ADAMTSL1: variants seen among roughly 807,000 people sequenced by gnomAD.
ADAMTSL1 encodes ADAMTS-like protein 1.
In ADAMTSL1, 126 loss-of-function variants were observed where a neutral mutation model predicts 201.8. That is an observed-to-expected ratio of 0.62 (90% confidence interval 0.54 to 0.72). The LOEUF (loss-of-function observed/expected upper bound fraction) is 0.72, where lower values mean the gene tolerates loss of function less well. Ranked by LOEUF, ADAMTSL1 falls within the 30% of genes least tolerant of loss-of-function variation. The probability of loss-of-function intolerance (pLI) is 0.00; values close to 1 mark genes in which losing one functional copy is unlikely to be tolerated. For missense variants in ADAMTSL1, 2,679 were observed against 2,277.8 expected, an observed-to-expected ratio of 1.18 and a Z score of -3.59; for synonymous variants, 1,121 against 903.4, an observed-to-expected ratio of 1.24 and a Z score of -4.32.
intron 2 of ADAMTSL1, among the ~76,000 whole-genome samples, chr9:18,506,692 G>A (rs1428220546): frequency 6.6e-6 from 1 of 152,114 alleles, no homozygotes; most frequent in Non-Finnish European, 1.5e-5. Context: ...TACTTATAAA[G>A]TATTAGAAAA....
rs1821031694 is a variant in ADAMTSL1, at chr9:18,776,768, G to A, written c.2552-13G>A. ...CCTCTTTCTCTGTCCCTTCGGGTTC[G>A]CTCTCCTTCCAGGGCCCGGGCGGCC... is the stretch of plus-strand genomic sequence containing the variant. On this transcript the variant is annotated splice_polypyrimidine_tract_variant and intron_variant, in intron 18 of 28. Transcript: ENST00000380548. 4 of 1,535,224 alleles carry A rather than the reference G, an allele frequency of 2.6e-6. No individual in the cohort carries two copies. The highest frequency in any genetic ancestry group is 3.5e-6 in the Non-Finnish European group (4 of 1,142,632).
At chr9:18,842,893 CT>C (rs1563849476) in intron 23 of ADAMTSL1, among the ~76,000 whole-genome samples, 1 of 152,084 alleles carries the variant, frequency 6.6e-6, no homozygotes, top group African/African-American at 2.4e-5. Context: ...CTTGGTAGAT[CT>C]TCCTCCATCC....
chr9:17,981,328 A>G (rs1284836957), intron 1 of ADAMTSL1, among the ~76,000 whole-genome samples: 1 of 152,242 alleles, frequency 6.6e-6, no homozygotes, highest in African/African-American at 2.4e-5. Context: ...ACTGAGTAGA[A>G]CAGTCACCTT....
chr9:18,435,714 G>A (rs1400464844), intron 2 of ADAMTSL1, among the ~76,000 whole-genome samples: 1 of 152,208 alleles, frequency 6.6e-6, no homozygotes, highest in Non-Finnish European at 1.5e-5. Flanking sequence ...GATTGAGCAG[G>A]CCTCACAATC....
chr9:18,648,403 G>C (rs1407374895), intron 7 of ADAMTSL1, among the ~76,000 whole-genome samples: 1 of 151,940 alleles, frequency 6.6e-6, no homozygotes, highest in Non-Finnish European at 1.5e-5. Flanking sequence ...AGTTAATATT[G>C]TTATGTATGA....
chr9:18,168,158 C>A (rs143776693), intron 2 of ADAMTSL1, among the ~76,000 whole-genome samples: 7 of 151,900 alleles, frequency 4.6e-5, no homozygotes, highest in African/African-American at 1.7e-4. Flanking sequence ...TACATGTGCA[C>A]AACGTGCAGG....
chr9:18,378,191 C>G (rs1837390479), intron 2 of ADAMTSL1, among the ~76,000 whole-genome samples: 1 of 152,132 alleles, frequency 6.6e-6, no homozygotes. Context: ...CTAGTTCTGC[C>G]TTTGACCTAG....
At chr9:18,143,136 G>A (rs1026839115) in intron 1 of ADAMTSL1, among the ~76,000 whole-genome samples, 4 of 152,140 alleles carry the variant, frequency 2.6e-5, no homozygotes, top group African/African-American at 9.7e-5. Context: ...TAATCAGAAG[G>A]CTTAACCACC....
chr9:18,048,815 C>A (rs554999831), intron 1 of ADAMTSL1, among the ~76,000 whole-genome samples: 3 of 152,280 alleles, frequency 2.0e-5, no homozygotes, highest in African/African-American at 7.2e-5. Context: ...CCCAGACAGT[C>A]CATCCCATAT....
chr9:18,228,503 C>G (rs1830516103), intron 2 of ADAMTSL1, among the ~76,000 whole-genome samples: 1 of 152,106 alleles, frequency 6.6e-6, no homozygotes, highest in South Asian at 2.1e-4. Context: ...TCACTGTGCC[C>G]TTGAACTCCT....
chr9:18,826,780 G>T (rs772509577), intron 22 of ADAMTSL1, among the ~76,000 whole-genome samples: 8 of 152,178 alleles, frequency 5.3e-5, no homozygotes, highest in Non-Finnish European at 1.2e-4. Flanking sequence ...ATCTCAAACA[G>T]AGATAACCTA....
rs1271634513 is a variant in ADAMTSL1 at position 18,551,819 on chromosome 9, T to A, written c.237+18527T>A. 2.6e-5 allele frequency among the ~76,000 whole-genome samples: 4 copies of A among 151,872 alleles called. 1 individual carries two copies. The highest frequency in any genetic ancestry group is 4.8e-5 in the African/African-American group (2 of 41,394). On this transcript the variant is annotated intron_variant, in intron 3 of 28. Coordinates refer to ENST00000380548, the MANE Select transcript of ADAMTSL1 (RefSeq NM_001040272.6). ...TACTTTTGTTGTTATTTCTCTTTCT[T>A]CTCGAATAGTTGTGTTTTTTGTTTT...
intron 1 of ADAMTSL1, among the ~76,000 whole-genome samples, chr9:18,492,024 G>A (rs1032984188): frequency 2.6e-5 from 4 of 152,160 alleles, no homozygotes; most frequent in African/African-American, 2.4e-5. Flanking sequence ...CTTGATTGAT[G>A]TAGTTACAAC....
chr9:18,776,663 C>T lies in ADAMTSL1; in HGVS notation c.2552-118C>T, dbSNP rs1588088163. The T allele has an allele frequency of 6.6e-6, 8 of 1,210,562 alleles. No homozygotes were observed. The East Asian group carries it at 2.1e-4, about 32-fold the overall frequency. The allele number at this position is 1,210,562 out of a possible 1,614,324, so 75.0% of individuals were successfully genotyped here. On this transcript the variant is annotated intron_variant, in intron 18 of 28. Transcript: ENST00000380548. ...CTCCCGTCCTCCGGCACCTTCGTCTCTCCTTCTCTTCTCCACTCTGGCTCT... is the reference window on the plus strand; with the variant it reads ...CTCCCGTCCTCCGGCACCTTCGTCTTTCCTTCTCTTCTCCACTCTGGCTCT...
intron 4 of ADAMTSL1, among the ~76,000 whole-genome samples, chr9:18,613,946 G>C (rs1825545882): frequency 6.6e-6 from 1 of 152,176 alleles, no homozygotes; most frequent in South Asian, 2.1e-4. Flanking sequence ...TCTGATCAAA[G>C]TAGATCTTAT....
At chr9:18,904,724 T>C (rs1174582506) in intron 26 of ADAMTSL1, among the ~76,000 whole-genome samples, 1 of 132,204 alleles carries the variant, frequency 7.6e-6, no homozygotes, top group Admixed American at 7.8e-5. Context: ...TCATTGGTGT[T>C]AAGGGGGCTT....
intron 2 of ADAMTSL1, among the ~76,000 whole-genome samples, chr9:18,301,618 C>T (rs1833713685): frequency 6.6e-6 from 1 of 152,154 alleles, no homozygotes; most frequent in Non-Finnish European, 1.5e-5. Context: ...CTCTCAAAAT[C>T]TTATTGTACT....
intron 13 of ADAMTSL1, chr9:18,685,031 C>T (rs1335149344): frequency 7.5e-6 from 9 of 1,197,654 alleles, no homozygotes; most frequent in East Asian, 4.0e-5. Context: ...AGGTGTAGTG[C>T]TTACCCTCTT....
In ADAMTSL1 at chr9:17,913,794, AAG is replaced by A. The variant is rs567242605; in HGVS notation, c.87+6878_87+6879del. Among the ~76,000 whole-genome samples the A allele has an allele frequency of 9.7e-3, 1,310 of 135,636 alleles. 19 individuals are homozygous for A. Among genetic ancestry groups the A allele is most frequent in the African/African-American group, 0.034 (1,228 of 36,332 alleles). The allele number at this position is 135,636 out of a possible 152,430, so 89.0% of individuals were successfully genotyped here. On this transcript the variant is annotated intron_variant, in intron 1 of 29. Transcript: ENST00000680146. The stretch of plus-strand genomic sequence containing the variant: ...CGCTAGCGAGACTAATAAAGAAGAA[AAG>A]AGAGAAGAATCAAATAGACGCAATA...
Sources: gnomAD v4.1 joint callset for allele counts (sites outside exome capture counted in the v4.1 genomes callset) on GRCh38, gnomAD v4.1.1 for gene constraint, MANE v1.5 for transcripts, NCBI Gene and HGNC (gene_info 2026-07-23, HGNC 2026-07-21) for gene names.